GPLD1: variants seen among roughly 807,000 people sequenced by gnomAD.
GPLD1 encodes the protein glycosylphosphatidylinositol specific phospholipase D1, also known as phosphatidylinositol-glycan-specific phospholipase D.
GPLD1 carries 84 observed loss-of-function variants against 112.6 expected under a neutral mutation model. That is an observed-to-expected ratio of 0.75 (90% CI 0.63 to 0.89). GPLD1 has a LOEUF of 0.89. Among genes scored for constraint, GPLD1 ranks in the 40% least tolerant of loss-of-function variants. The probability of loss-of-function intolerance (pLI) is 0.00; values close to 1 mark genes in which losing one functional copy is unlikely to be tolerated. For synonymous variants in GPLD1, 386 were observed against 403.8 expected (o/e 0.96, Z 0.53); for missense variants, 1,044 against 1,051.5 (o/e 0.99, Z 0.10).
intron 7 of GPLD1, among the ~76,000 whole-genome samples, chr6:24,471,753 T>A (rs1032058568): frequency 2.0e-5 from 3 of 152,196 alleles, no homozygotes. Flanking sequence ...AGGGTCTCAC[T>A]GTGTTGCCCA....
intron 17 of GPLD1, among the ~76,000 whole-genome samples, chr6:24,447,506 ACT>A (rs1243852249): frequency 8.7e-6 from 1 of 115,106 alleles, no homozygotes; most frequent in African/African-American, 3.2e-5. Flanking sequence ...ACACAGGGAG[ACT>A]CTGTCTCAAA....
intron 11 of GPLD1, among the ~76,000 whole-genome samples, chr6:24,461,285 A>G (rs1254582939): frequency 6.6e-6 from 1 of 152,100 alleles, no homozygotes; most frequent in Non-Finnish European, 1.5e-5. Flanking sequence ...AAGGTGCTCA[A>G]TGTGATTAAA....
chr6:24,483,986 G>A (rs1464357661), intron 2 of GPLD1, among the ~76,000 whole-genome samples: 1 of 152,124 alleles, frequency 6.6e-6, no homozygotes, highest in East Asian at 1.9e-4. Context: ...TGCGATCTCC[G>A]CTCCCTGCAA....
At chr6:24,489,117 T>C (rs35206652) in intron 1 of GPLD1, among the ~76,000 whole-genome samples, 14,860 of 152,232 alleles carry the variant, frequency 0.098, 953 homozygotes, top group South Asian at 0.17. Flanking sequence ...TGCTGCCACG[T>C]TGCAACCTCT....
At chr6:24,488,984 C>T (rs1319663287) in intron 1 of GPLD1, among the ~76,000 whole-genome samples, 1 of 152,166 alleles carries the variant, frequency 6.6e-6, no homozygotes, top group Non-Finnish European at 1.5e-5. Flanking sequence ...ACTCCCATGG[C>T]CACATATGGC....
At position 24,480,925 on chromosome 6, in the gene GPLD1, G is replaced by A. The variant is rs139832362; in HGVS notation, c.154-966C>T. On this transcript the variant is annotated intron_variant, in intron 2 of 24. Transcript: ENST00000230036. ...CACAGCAGAGGTAGCACAGCCCCTC[G>A]TGTTGCAGCTCTGGCTTCCCACGTG... is the stretch of plus-strand genomic sequence containing the variant. 5.0e-3 allele frequency among the ~76,000 whole-genome samples: 766 copies of A among 152,326 alleles called. 6 individuals are homozygous for A. Among genetic ancestry groups the A allele is most frequent in the African/African-American group, 0.017 (720 of 41,574 alleles).
At chr6:24,490,064 G>A (rs1337493424), upstream of GPLD1, among the ~76,000 whole-genome samples, 3 of 152,128 alleles carry the variant, frequency 2.0e-5, no homozygotes, top group Non-Finnish European at 4.4e-5. Context: ...TTCAGTATTT[G>A]GCAACAGATA....
At chr6:24,440,887 T>C (rs1762725731) in intron 20 of GPLD1, among the ~76,000 whole-genome samples, 1 of 152,150 alleles carries the variant, frequency 6.6e-6, no homozygotes, top group South Asian at 2.1e-4. Flanking sequence ...CTTTTCACAT[T>C]TAGGCTATTT....
intron 4 of GPLD1, 41 bp from the exon 5 acceptor site, chr6:24,475,272 T>A (rs747979473): frequency 5.8e-5 from 58 of 999,648 alleles, no homozygotes; most frequent in Non-Finnish European, 9.3e-5. Context: ...GTTTGGGTGA[T>A]TTTATAATAA....
intron 15 of GPLD1, 149 bp downstream of exon 15, chr6:24,449,640 T>C (rs1333368934): frequency 8.4e-6 from 5 of 594,384 alleles, no homozygotes; most frequent in Non-Finnish European, 1.5e-5. Flanking sequence ...AAGAACCCCA[T>C]AGGGGCCTGA....
At chr6:24,434,219 G>A (rs907485662) in intron 22 of GPLD1, among the ~76,000 whole-genome samples, 2 of 151,928 alleles carry the variant, frequency 1.3e-5, no homozygotes, top group African/African-American at 4.8e-5. Context: ...CCAACGTGGT[G>A]AAACCCCGTC....
Position 24,446,968 on chromosome 6 carries a change from C to G in GPLD1, c.1690G>C (p.Val564Leu). The change falls in exon 18 of 25, where the codon GTG becomes CTG. Residue 564 changes from valine to leucine, a missense_variant. Physicochemically the swap from Val to Leu is conservative, Grantham distance 32 (BLOSUM62 1). Transcript: ENST00000230036. Reference sequence around the variant, plus strand: ...CTCACCGTCCAGTTGGCTGCCTCCACGTTCAGTTTTTCTAAAGAAGACAAC... The same window carrying G: ...CTCACCGTCCAGTTGGCTGCCTCCAGGTTCAGTTTTTCTAAAGAAGACAAC... ...PSLSDKEKLNVEAANWTVRGE... is the reference protein window; with the variant it reads ...PSLSDKEKLNLEAANWTVRGE... 1 of 1,613,042 alleles carries G rather than the reference C, an allele frequency of 6.2e-7. No homozygotes were observed. The highest frequency in any genetic ancestry group is 8.5e-7 in the Non-Finnish European group (1 of 1,179,494).
At chr6:24,479,718 CCAA>C (rs1349081540) in intron 3 of GPLD1, among the ~76,000 whole-genome samples, 160 bp downstream of exon 3, 1 of 152,090 alleles carries the variant, frequency 6.6e-6, no homozygotes, top group Admixed American at 6.6e-5. Flanking sequence ...AAGTCATTAA[CCAA>C]CAATATTGTT....
chr6:24,431,695 G>A (rs977724890), intron 24 of GPLD1, among the ~76,000 whole-genome samples: 2 of 151,658 alleles, frequency 1.3e-5, no homozygotes, highest in African/African-American at 2.4e-5. Context: ...CCACCACGCC[G>A]GGCTATTTTT....
chr6:24,447,320 A>G (rs1738159610), intron 17 of GPLD1, among the ~76,000 whole-genome samples: 1 of 149,858 alleles, frequency 6.7e-6, no homozygotes, highest in Non-Finnish European at 1.5e-5. Context: ...AGCCTGACCA[A>G]TATGATGAAA....
At chr6:24,462,508 A>G (rs933900855) in intron 11 of GPLD1, among the ~76,000 whole-genome samples, 1 of 152,164 alleles carries the variant, frequency 6.6e-6, no homozygotes, top group African/African-American at 2.4e-5. Flanking sequence ...CATCCACACC[A>G]TAATTCTGGG....
intron 11 of GPLD1, among the ~76,000 whole-genome samples, chr6:24,462,188 A>G (rs1249692992): frequency 2.0e-5 from 3 of 152,124 alleles, no homozygotes; most frequent in Non-Finnish European, 2.9e-5. Flanking sequence ...ACTGGAGTGT[A>G]CTGGCCTGAT....
chr6:24,484,687 A>C (rs1439219730), intron 2 of GPLD1, among the ~76,000 whole-genome samples: 1 of 152,266 alleles, frequency 6.6e-6, no homozygotes, highest in Non-Finnish European at 1.5e-5. Flanking sequence ...GTGATGAATT[A>C]GGCAGATTCT....
At chr6:24,491,491 G>T (rs1234843948), upstream of GPLD1, among the ~76,000 whole-genome samples, 1 of 152,176 alleles carries the variant, frequency 6.6e-6, no homozygotes, top group African/African-American at 2.4e-5. Context: ...TTGAGGCCAG[G>T]AGTTCAAAAC....
Sources: gnomAD v4.1 joint callset for allele counts (sites outside exome capture counted in the v4.1 genomes callset) on GRCh38, gnomAD v4.1.1 for gene constraint, MANE v1.5 for transcripts, NCBI Gene and HGNC (gene_info 2026-07-23, HGNC 2026-07-21) for gene names.